UBAC2: variants seen among roughly 807,000 people sequenced by gnomAD.
UBAC2 encodes ubiquitin-associated domain-containing protein 2.
Under a neutral mutation model 44.0 loss-of-function variants are expected in UBAC2, and 26 were observed. The ratio of observed to expected loss-of-function variants is 0.59; its 90% CI spans 0.43 to 0.82. UBAC2 has a LOEUF of 0.82. Ranked by LOEUF, UBAC2 falls within the 40% of genes least tolerant of loss-of-function variation. The pLI, the probability that UBAC2 is intolerant of heterozygous loss-of-function variation, is 0.00. For synonymous variants in UBAC2, 155 were observed against 154.3 expected, an observed-to-expected ratio of 1.00 and a Z score of -0.04; for missense variants, 329 against 419.4, an observed-to-expected ratio of 0.78 and a Z score of 1.88.
At chr13:99,213,389 C>A (rs2042956170) in intron 1 of UBAC2, among the ~76,000 whole-genome samples, 1 of 151,716 alleles carries the variant, frequency 6.6e-6, no homozygotes, top group African/African-American at 2.4e-5. Context: ...GAGACAAGGT[C>A]TTGCTCTGTC....
chr13:99,372,380 T>TG (rs2045418543), intron 8 of UBAC2: 1 of 153,596 alleles, frequency 6.5e-6, no homozygotes, highest in Admixed American at 6.5e-5. Context: ...AAGTAGGCTG[T>TG]GGGGGGAAAA....
At chr13:99,335,295 AATGCT>A (rs2044771448) in intron 6 of UBAC2, among the ~76,000 whole-genome samples, 2 of 152,200 alleles carry the variant, frequency 1.3e-5, no homozygotes, top group Non-Finnish European at 2.9e-5. Flanking sequence ...GAATCAGCGT[AATGCT>A]GATATACACC....
intron 7 of UBAC2, among the ~76,000 whole-genome samples, chr13:99,359,876 G>T (rs1353286533): frequency 6.6e-6 from 1 of 152,178 alleles, no homozygotes; most frequent in Non-Finnish European, 1.5e-5. Context: ...ATGGTGGCCT[G>T]CAGGGGGCCA....
chr13:99,220,857 T>C (rs924829119), intron 1 of UBAC2, among the ~76,000 whole-genome samples: 1 of 152,188 alleles, frequency 6.6e-6, no homozygotes, highest in South Asian at 2.1e-4. Flanking sequence ...AAATTATTTT[T>C]TCTAATTGTC....
intron 4 of UBAC2, among the ~76,000 whole-genome samples, chr13:99,273,112 T>C (rs1205079234): frequency 1.3e-5 from 2 of 152,142 alleles, no homozygotes; most frequent in Non-Finnish European, 2.9e-5. Flanking sequence ...ATTTGAGATA[T>C]TAATATTTTC....
intron 7 of UBAC2, among the ~76,000 whole-genome samples, chr13:99,345,452 G>A (rs1358324572): frequency 6.6e-6 from 1 of 152,136 alleles, no homozygotes; most frequent in Non-Finnish European, 1.5e-5. Flanking sequence ...CTGGGCTGAT[G>A]CTGTACTCTG....
At chr13:99,335,935 G>A (rs904655860) in intron 6 of UBAC2, among the ~76,000 whole-genome samples, 3 of 151,468 alleles carry the variant, frequency 2.0e-5, no homozygotes, top group East Asian at 1.9e-4. Context: ...CAGGAGGATC[G>A]CTTGAGCCCA....
rs142717404 is a variant in UBAC2 at position 99,360,469 on chromosome 13, G to A, written c.808-7318G>A. On this transcript the variant is annotated intron_variant, in intron 7 of 8. Coordinates refer to ENST00000403766, the MANE Select transcript of UBAC2 (RefSeq NM_001144072.2). ...GGAAATGTTTGAAAATGCATCTAAG[G>A]TGTTACAATAAGAGGCAGAGCTGGG... 4.0e-3 allele frequency among the ~76,000 whole-genome samples: 605 copies of A among 152,308 alleles called. 3 individuals are homozygous for A. The highest frequency in any genetic ancestry group is 7.0e-3 in the Non-Finnish European group (475 of 68,032).
At chr13:99,226,567 G>GT (rs1467576223) in intron 1 of UBAC2, among the ~76,000 whole-genome samples, 1 of 152,144 alleles carries the variant, frequency 6.6e-6, no homozygotes, top group Non-Finnish European at 1.5e-5. Context: ...GTCCAATCAT[G>GT]TTATTCCTCT....
chr13:99,365,741 A>T (rs1034269489), intron 7 of UBAC2, among the ~76,000 whole-genome samples: 1 of 152,188 alleles, frequency 6.6e-6, no homozygotes, highest in Non-Finnish European at 1.5e-5. Context: ...TCTAAATATT[A>T]AATGCAAGGT....
rs559879014 is a variant in UBAC2, at chr13:99,202,701, C to T, written c.31+1762C>T. Among the ~76,000 whole-genome samples the T allele has an allele frequency of 1.1e-4, 16 of 152,238 alleles. 1 individual carries two copies. In the East Asian group the frequency reaches 1.2e-3, roughly 11 times the overall value. On this transcript the variant is annotated intron_variant, in intron 1 of 8. Coordinates refer to ENST00000403766, the MANE Select transcript of UBAC2 (RefSeq NM_001144072.2). ...CTGTTGCCCAGGGAGAGGCGTAGGT[C>T]TGGAGCCCCTCTGCAGCTGTCTTGG...
At chr13:99,205,521 G>A (rs1458964244) in intron 1 of UBAC2, among the ~76,000 whole-genome samples, 1 of 152,222 alleles carries the variant, frequency 6.6e-6, no homozygotes, top group Non-Finnish European at 1.5e-5. Context: ...GAGCTAGCAT[G>A]AGTGTCAGAA....
chr13:99,368,032 C>A, intron 8 of UBAC2, 126 bp downstream of exon 8: 1 of 1,198,682 alleles, frequency 8.3e-7, no homozygotes, highest in Non-Finnish European at 1.2e-6. Flanking sequence ...AGTCCATCTG[C>A]CACCATGATA....
At chr13:99,234,566 T>G (rs1456873469) in intron 1 of UBAC2, among the ~76,000 whole-genome samples, 2 of 152,210 alleles carry the variant, frequency 1.3e-5, no homozygotes, top group Admixed American at 6.5e-5. Context: ...ATGAAGTGAC[T>G]GAAGCTCAGA....
chr13:99,337,536 A>G (rs73570103), intron 6 of UBAC2, among the ~76,000 whole-genome samples: 1,684 of 152,180 alleles, frequency 0.011, 36 homozygotes, highest in African/African-American at 0.039. Flanking sequence ...ATTTCGTTTT[A>G]GCATTCTTTT....
At chr13:99,338,047 CTTTTTTT>C (rs869112086) in intron 6 of UBAC2, among the ~76,000 whole-genome samples, 42 of 48,860 alleles carry the variant, frequency 8.6e-4, no homozygotes, top group Middle Eastern at 0.04. Flanking sequence ...TTCTTTTTTT[CTTTTTTT>C]TTTTTTTTTT....
chr13:99,329,221 A>G (rs1484659638), intron 6 of UBAC2, among the ~76,000 whole-genome samples: 1 of 152,218 alleles, frequency 6.6e-6, no homozygotes, highest in African/African-American at 2.4e-5. Flanking sequence ...CAATCAGGCA[A>G]TATAAGTCCT....
intron 1 of UBAC2, among the ~76,000 whole-genome samples, chr13:99,230,011 A>T (rs1047099864): frequency 2.0e-5 from 3 of 152,160 alleles, no homozygotes; most frequent in Admixed American, 2.0e-4. Context: ...CTGAGTTTCC[A>T]TTATTTTATT....
At chr13:99,302,368 C>T (rs1472822710) in intron 4 of UBAC2, among the ~76,000 whole-genome samples, 2 of 152,150 alleles carry the variant, frequency 1.3e-5, no homozygotes, top group Non-Finnish European at 2.9e-5. Flanking sequence ...TATGGTTCTA[C>T]TGAGGAAATA....
Sources: gnomAD v4.1 joint callset for allele counts (sites outside exome capture counted in the v4.1 genomes callset) on GRCh38, gnomAD v4.1.1 for gene constraint, MANE v1.5 for transcripts, NCBI Gene and HGNC (gene_info 2026-07-23, HGNC 2026-07-21) for gene names.